The following EYS variants were observed in gnomAD, a reference collection of about 807,000 sequenced individuals.
EYS encodes EGF-like photoreceptor maintenance factor.
A neutral mutation model predicts 282.1 loss-of-function variants in EYS; 250 were observed. The observed-to-expected ratio is 0.89, with a 90% CI of 0.80 to 0.98. EYS has a LOEUF of 0.98. Among genes scored for constraint, EYS ranks in the 50% least tolerant of loss-of-function variants. EYS has a pLI of 0.00. For synonymous variants in EYS, 1,355 were observed against 1,282.9 expected (o/e 1.06, Z -1.20); for missense variants, 4,016 against 3,709.0 (o/e 1.08, Z -2.15).
intron 30 of EYS, among the ~76,000 whole-genome samples, chr6:64,271,300 C>A (rs1181000047): frequency 6.6e-6 from 1 of 151,868 alleles, no homozygotes; most frequent in Non-Finnish European, 1.5e-5. Context: ...TCATACACAG[C>A]CAATTTTTCT....
chr6:64,513,929 C>T (rs1000736593), intron 26 of EYS, among the ~76,000 whole-genome samples: 10 of 151,782 alleles, frequency 6.6e-5, no homozygotes, highest in Admixed American at 2.6e-4. Context: ...AGCAGTATGA[C>T]CACTGCTGTA....
At chr6:64,826,244 A>T (rs1027221815) in intron 19 of EYS, among the ~76,000 whole-genome samples, 1 of 151,896 alleles carries the variant, frequency 6.6e-6, no homozygotes, top group Non-Finnish European at 1.5e-5. Flanking sequence ...TGATTTCATT[A>T]TGGACTTCAT....
At chr6:64,322,958 C>A (rs965677539) in intron 29 of EYS, among the ~76,000 whole-genome samples, 1 of 152,040 alleles carries the variant, frequency 6.6e-6, no homozygotes, top group Non-Finnish European at 1.5e-5. Flanking sequence ...CAGCACCTAC[C>A]CCATCCTCAG....
chr6:64,026,090 G>C lies in EYS; in HGVS notation c.6726-26907C>G, dbSNP rs184687907. Among the ~76,000 whole-genome samples, 34 of 152,258 alleles carry C rather than the reference G, an allele frequency of 2.2e-4. No individual in the cohort carries two copies. In the East Asian group the frequency reaches 6.4e-3, roughly 29 times the overall value. ...GGAAAACTAGTGTTTCTGCTGCTGC[G>C]TCAGTGAGCGCAACTATTCTGATCA... On this transcript the variant is annotated intron_variant, in intron 33 of 42. Coordinates refer to ENST00000503581, the MANE Select transcript of EYS (RefSeq NM_001142800.2).
In EYS at chr6:64,665,173, A is replaced by G. The variant is rs1583016295; in HGVS notation, c.3444-38928T>C. Reference sequence around the variant, plus strand: ...TTGTCCACTGTAATAATGTTCTGGCATTTATAAAATACTGCATGTGAGGTT... The same window carrying G: ...TTGTCCACTGTAATAATGTTCTGGCGTTTATAAAATACTGCATGTGAGGTT... On this transcript the variant is annotated intron_variant, in intron 22 of 42. Transcript: ENST00000503581. Among the ~76,000 whole-genome samples the G allele has an allele frequency of 2.0e-5, 3 of 152,352 alleles. 1 individual carries two copies. Among genetic ancestry groups the G allele is most frequent in the Admixed American group, 2.0e-4 (3 of 15,300 alleles).
At chr6:65,684,265 T>G (rs10944833) in intron 1 of EYS, among the ~76,000 whole-genome samples, 53,643 of 151,892 alleles carry the variant, frequency 0.35, 11,959 homozygotes, top group Non-Finnish European at 0.49. Context: ...TAGTTAAAAA[T>G]AGCAAATCCT....
At chr6:63,822,313 A>G (rs1167333276) in intron 36 of EYS, 2 of 152,192 alleles carry the variant, frequency 1.3e-5, no homozygotes, top group Non-Finnish European at 2.9e-5. Context: ...AGGTTTCACC[A>G]TGTTGGCCAG....
intron 41 of EYS, among the ~76,000 whole-genome samples, chr6:63,749,620 C>T (rs1769293079): frequency 6.6e-6 from 1 of 152,116 alleles, no homozygotes; most frequent in Non-Finnish European, 1.5e-5. Context: ...ATATCCTTCC[C>T]CATCACTTCT....
Position 65,627,930 on chromosome 6 carries a change from G to C in EYS, c.-333+11848C>G, listed in dbSNP as rs1023382116. Among the ~76,000 whole-genome samples the C allele has an allele frequency of 2.6e-5, 4 of 152,372 alleles. No homozygotes were observed. The South Asian group carries it at 8.3e-4, about 32-fold the overall frequency. On this transcript the variant is annotated intron_variant, in intron 2 of 42. Coordinates refer to ENST00000503581, the MANE Select transcript of EYS (RefSeq NM_001142800.2). ...CACCCAAGGGCTGAGGAATGCGAGC[G>C]CACGGCGCAGGACTGGCAGGCAGCT...
chr6:64,014,786 T>TA (rs1418427812), intron 33 of EYS, among the ~76,000 whole-genome samples: 4 of 151,712 alleles, frequency 2.6e-5, no homozygotes, highest in Admixed American at 1.3e-4. Flanking sequence ...TTTATTTTTT[T>TA]TTTTTTTGGT....
intron 18 of EYS, among the ~76,000 whole-genome samples, chr6:64,900,637 T>C (rs1239254964): frequency 6.6e-6 from 1 of 152,122 alleles, no homozygotes; most frequent in Non-Finnish European, 1.5e-5. Context: ...AAAAAGCTCA[T>C]CATCACTGGT....
At chr6:65,315,542 TG>T (rs1384050676) in intron 11 of EYS, among the ~76,000 whole-genome samples, 1 of 151,786 alleles carries the variant, frequency 6.6e-6, no homozygotes, top group African/African-American at 2.4e-5. Context: ...TGAAATCATC[TG>T]TATAAATCTT....
chr6:65,330,477 T>C (rs920906120), intron 11 of EYS: 1 of 984,306 alleles, frequency 1.0e-6, no homozygotes, highest in Admixed American at 6.2e-5. Context: ...TATGATTTAG[T>C]CTTTGGCTCA....
In EYS at chr6:64,255,522, CTG is replaced by C. The variant is rs1582492672; in HGVS notation, c.6192-24700_6192-24699del. Reference sequence around the variant, plus strand: ...GTTGTACAATATTATTTTTGACAAACTGTGCCTTTAAAAAAGTTCAAGACATT... The same window carrying C: ...GTTGTACAATATTATTTTTGACAAACTGCCTTTAAAAAAGTTCAAGACATT... On this transcript the variant is annotated intron_variant, in intron 30 of 42. Transcript: ENST00000503581. Among the ~76,000 whole-genome samples, 15 of 152,110 alleles carry C rather than the reference CTG, an allele frequency of 9.9e-5. No individual in the cohort carries two copies. In the South Asian group the frequency reaches 3.1e-3, roughly 32 times the overall value.
chr6:65,596,235 T>C (rs1311183668), intron 2 of EYS, among the ~76,000 whole-genome samples: 1 of 152,088 alleles, frequency 6.6e-6, no homozygotes, highest in Non-Finnish European at 1.5e-5. Flanking sequence ...CTTAGAGACC[T>C]TGAGCCAGAG....
chr6:63,804,249 C>T lies in EYS; in HGVS notation c.7411+1941G>A, dbSNP rs1351431445. ...CAGGCTGCTCTCAAACTCCTGACCT[C>T]AGGTGATCCACCCACCTTGGCCTCC... is the stretch of plus-strand genomic sequence containing the variant. On this transcript the variant is annotated intron_variant, in intron 37 of 42. Transcript: ENST00000503581. 2.0e-5 allele frequency among the ~76,000 whole-genome samples: 3 copies of T among 152,180 alleles called. No individual in the cohort carries two copies. In the East Asian group the frequency reaches 5.8e-4, roughly 29 times the overall value.
At chr6:65,356,291 T>C (rs1395476751) in intron 8 of EYS, among the ~76,000 whole-genome samples, 1 of 152,036 alleles carries the variant, frequency 6.6e-6, no homozygotes, top group African/African-American at 2.4e-5. Flanking sequence ...TTTGTTCTTG[T>C]TTGTTTGTTT....
chr6:65,569,636 C>T (rs1250518214), intron 2 of EYS, among the ~76,000 whole-genome samples: 7 of 152,088 alleles, frequency 4.6e-5, no homozygotes, highest in Admixed American at 3.9e-4. Context: ...CTCAGTGGAT[C>T]AGTTGCCCCC....
chr6:65,096,024 A>T (rs1774730191), intron 12 of EYS, among the ~76,000 whole-genome samples: 1 of 151,058 alleles, frequency 6.6e-6, no homozygotes, highest in Non-Finnish European at 1.5e-5. Flanking sequence ...TTTGGAGATG[A>T]CAGGGTCTCA....
Sources: allele counts gnomAD v4.1 joint callset (sites outside exome capture counted in the v4.1 genomes callset), GRCh38; gene constraint gnomAD v4.1.1; transcripts MANE v1.5; gene names NCBI Gene and HGNC (gene_info 2026-07-23, HGNC 2026-07-21).